LRRTM4: variants seen among roughly 807,000 people sequenced by gnomAD.
LRRTM4 encodes leucine-rich repeat transmembrane neuronal protein 4.
In LRRTM4, 25 loss-of-function variants were observed where a neutral mutation model predicts 47.6. The ratio of observed to expected loss-of-function variants is 0.53; its 90% CI spans 0.38 to 0.73. The LOEUF (loss-of-function observed/expected upper bound fraction) is 0.73, where lower values mean the gene tolerates loss of function less well. Ranked by LOEUF, LRRTM4 falls within the 30% of genes least tolerant of loss-of-function variation. LRRTM4 has a pLI of 0.00. For synonymous variants in LRRTM4, 311 were observed against 269.5 expected (o/e 1.15, Z -1.51); for missense variants, 638 against 713.4 (o/e 0.89, Z 1.20).
chr2:77,172,049 A>T (rs1673063104), intron 3 of LRRTM4, among the ~76,000 whole-genome samples: 1 of 152,208 alleles, frequency 6.6e-6, no homozygotes, highest in Non-Finnish European at 1.5e-5. Flanking sequence ...TCAAAATTTG[A>T]TGTTATCCTA....
intron 3 of LRRTM4, among the ~76,000 whole-genome samples, chr2:76,828,044 T>A (rs1671236050): frequency 6.6e-6 from 1 of 151,988 alleles, no homozygotes; most frequent in South Asian, 2.1e-4. Context: ...AAGTATTGCT[T>A]AGCGTAAGTG....
intron 3 of LRRTM4, among the ~76,000 whole-genome samples, chr2:77,014,727 G>A (rs111329849): frequency 7.2e-5 from 11 of 152,116 alleles, no homozygotes; most frequent in Admixed American, 2.0e-4. Flanking sequence ...CAGGAGAATC[G>A]TTTGAACCTG....
At chr2:77,259,370 G>A (rs1163706680) in intron 3 of LRRTM4, among the ~76,000 whole-genome samples, 5 of 152,018 alleles carry the variant, frequency 3.3e-5, no homozygotes, top group Admixed American at 2.0e-4. Flanking sequence ...CTGAGTGCTT[G>A]ACAGATAGCA....
intron 3 of LRRTM4, among the ~76,000 whole-genome samples, chr2:77,010,453 T>C (rs1481412727): frequency 6.6e-6 from 1 of 151,038 alleles, no homozygotes; most frequent in East Asian, 1.9e-4. Context: ...TGTTTTTTCA[T>C]ATGACAGAAC....
chr2:76,884,169 T>C (rs1673007214), intron 3 of LRRTM4, among the ~76,000 whole-genome samples: 2 of 152,134 alleles, frequency 1.3e-5, no homozygotes, highest in Non-Finnish European at 2.9e-5. Context: ...ACAAGCATCA[T>C]GCTAGACTTC....
At chr2:77,024,931 T>A (rs912350405) in intron 3 of LRRTM4, among the ~76,000 whole-genome samples, 4 of 152,176 alleles carry the variant, frequency 2.6e-5, no homozygotes, top group Non-Finnish European at 5.9e-5. Flanking sequence ...ATATTTCCAA[T>A]AGTCAACAAT....
chr2:77,103,667 A>ATCTATATATATATATATC (rs1553389714), intron 3 of LRRTM4, among the ~76,000 whole-genome samples: 1 of 146,274 alleles, frequency 6.8e-6, no homozygotes, highest in African/African-American at 2.6e-5. Context: ...ATATATAGAT[A>ATCTATATATATATATATC]TATATATCAC....
chr2:77,224,530 C>T (rs377634950), intron 3 of LRRTM4, among the ~76,000 whole-genome samples: 5 of 152,124 alleles, frequency 3.3e-5, no homozygotes, highest in Non-Finnish European at 7.4e-5. Flanking sequence ...AAACAAACAA[C>T]CCCATCAAAA....
chr2:77,218,655 C>G (rs994074782), intron 3 of LRRTM4, among the ~76,000 whole-genome samples: 5 of 152,000 alleles, frequency 3.3e-5, no homozygotes, highest in African/African-American at 1.2e-4. Context: ...TTTGAAAACA[C>G]AAGACTATGA....
At position 76,779,805 on chromosome 2, in the gene LRRTM4, T is replaced by C. The variant is rs187975613; in HGVS notation, c.1552-30889A>G. ...TTGTGTGAATTTGATCTTATCATTA[T>C]GATGTTAGCTGGTTATTTTGCTCGT... On this transcript the variant is annotated intron_variant, in intron 3 of 3. Coordinates refer to ENST00000409884, the MANE Select transcript of LRRTM4 (RefSeq NM_001134745.3). 9.2e-5 allele frequency among the ~76,000 whole-genome samples: 14 copies of C among 152,352 alleles called. No individual in the cohort carries two copies. In the East Asian group the frequency reaches 1.7e-3, roughly 19 times the overall value.
chr2:76,943,562 G>A (rs548217930), intron 3 of LRRTM4, among the ~76,000 whole-genome samples: 1 of 152,210 alleles, frequency 6.6e-6, no homozygotes, highest in African/African-American at 2.4e-5. Context: ...CATTTATGCT[G>A]TATATGGTCT....
intron 3 of LRRTM4, among the ~76,000 whole-genome samples, chr2:77,411,884 C>G (rs1193890956): frequency 6.6e-6 from 1 of 152,052 alleles, no homozygotes; most frequent in Admixed American, 6.6e-5. Flanking sequence ...TACATAAAAT[C>G]TCATCTTTAT....
chr2:76,901,205 T>A (rs1313382026), intron 3 of LRRTM4, among the ~76,000 whole-genome samples: 1 of 152,030 alleles, frequency 6.6e-6, no homozygotes, highest in Non-Finnish European at 1.5e-5. Flanking sequence ...CCCTCCCCCA[T>A]CCCAAACCCC....
At chr2:77,468,275 C>T (rs186274871) in intron 3 of LRRTM4, among the ~76,000 whole-genome samples, 12 of 151,860 alleles carry the variant, frequency 7.9e-5, no homozygotes, top group Admixed American at 5.9e-4. Context: ...TTTGTGTTCT[C>T]GTGTGACAAA....
chr2:76,761,095 G>A lies in LRRTM4; in HGVS notation c.1552-12179C>T, dbSNP rs143490610. On this transcript the variant is annotated intron_variant, in intron 3 of 3. Coordinates refer to ENST00000409884, the MANE Select transcript of LRRTM4 (RefSeq NM_001134745.3). The stretch of plus-strand genomic sequence containing the variant: ...ATGTGCAACCTAGGTTGACAACACC[G>A]CTTAATGTTAAATTTAGGTTGCTTT... Among the ~76,000 whole-genome samples, 505 of 152,314 alleles carry A rather than the reference G, an allele frequency of 3.3e-3. 4 individuals are homozygous for A. The highest frequency in any genetic ancestry group is 0.011 in the African/African-American group (474 of 41,578).
chr2:76,864,909 A>AT (rs972482912), intron 3 of LRRTM4, among the ~76,000 whole-genome samples: 5 of 137,010 alleles, frequency 3.6e-5, no homozygotes, highest in African/African-American at 5.6e-5. Flanking sequence ...TTTTTTTTTA[A>AT]TTTTTTTTAT....
intron 3 of LRRTM4, among the ~76,000 whole-genome samples, chr2:77,268,345 C>G (rs1676106759): frequency 1.3e-5 from 2 of 152,088 alleles, no homozygotes; most frequent in Non-Finnish European, 2.9e-5. Context: ...AGACAGTATT[C>G]TTAGTCATTT....
intron 3 of LRRTM4, among the ~76,000 whole-genome samples, chr2:76,986,498 T>C (rs756039101): frequency 6.6e-6 from 1 of 151,958 alleles, no homozygotes; most frequent in African/African-American, 2.4e-5. Context: ...AAGAAACCAA[T>C]AGTTGTTTGT....
At chr2:77,033,722 T>C (rs1678740396) in intron 3 of LRRTM4, among the ~76,000 whole-genome samples, 1 of 151,918 alleles carries the variant, frequency 6.6e-6, no homozygotes, top group Non-Finnish European at 1.5e-5. Context: ...TATACGTCAG[T>C]TAATTTCTAA....
Sources: allele counts gnomAD v4.1 joint callset (sites outside exome capture counted in the v4.1 genomes callset), GRCh38; gene constraint gnomAD v4.1.1; transcripts MANE v1.5; gene names NCBI Gene and HGNC (gene_info 2026-07-23, HGNC 2026-07-21).